Variants in FAM220A observed in about 807,000 individuals in gnomAD.
FAM220A encodes the protein family with sequence similarity 220 member A.
For synonymous variants in FAM220A, 141 were observed against 130.7 expected, an observed-to-expected ratio of 1.08 and a Z score of -0.54; for missense variants, 392 against 321.6, an observed-to-expected ratio of 1.22 and a Z score of -1.68.
In FAM220A at chr7:6,329,744, T is replaced by C. The variant is rs1326840067; in HGVS notation, c.*631A>G. The C allele has an allele frequency of 6.0e-6, 1 of 166,226 alleles. No homozygotes were observed. Among genetic ancestry groups the C allele is most frequent in the Non-Finnish European group, 1.5e-5 (1 of 68,142 alleles). The allele number at this position is 166,226 out of a possible 1,614,324, so 10.3% of individuals were successfully genotyped here. A position where few individuals can be genotyped will look rare whatever the true frequency, so the allele number is the denominator to read the frequency against. ...CTGAGCTACTTTTTTCTCGAGCTCA[T>C]TTTTGTTTAAGGTAACACTGCTAGG... On this transcript the variant is annotated 3_prime_UTR_variant, in exon 2 of 2. Transcript: ENST00000313324.
chr7:6,345,478 A>T (rs564258511), intron 1 of FAM220A, among the ~76,000 whole-genome samples: 1 of 152,134 alleles, frequency 6.6e-6, no homozygotes, highest in Non-Finnish European at 1.5e-5. Flanking sequence ...AGATACTACA[A>T]TAGTCCAGGC....
intron 1 of FAM220A, among the ~76,000 whole-genome samples, chr7:6,340,270 C>T (rs1443807496): frequency 6.6e-6 from 1 of 152,158 alleles, no homozygotes. Flanking sequence ...ATCCTAAGGG[C>T]ATCCCAGCTG....
rs752252905 is a variant in FAM220A, at chr7:6,330,942, C to T, written c.213G>A (p.Gly71=). 4 of 1,614,232 alleles carry T rather than the reference C, an allele frequency of 2.5e-6. No homozygotes were observed. In the Admixed American group the frequency reaches 5.0e-5, roughly 20 times the overall value. Residue 71 remains glycine, a synonymous_variant, in exon 2 of 2, where the codon GGG becomes GGA. Coordinates refer to ENST00000313324, the MANE Select transcript of FAM220A (RefSeq NM_001037163.2). ...LSLEMRKDPS[G]AGLWLHSGGP... ...CGCCACTGTGAAGCCAGAGGCCAGC[C>T]CCGCTCGGATCCTTTCTCATTTCCA...
At chr7:6,340,356 G>C (rs566727741) in intron 1 of FAM220A, among the ~76,000 whole-genome samples, 6 of 152,302 alleles carry the variant, frequency 3.9e-5, no homozygotes, top group Admixed American at 3.9e-4. Flanking sequence ...AAACGCTGCT[G>C]AGAGGGTTGG....
At chr7:6,337,229 G>A (rs1211607807) in intron 1 of FAM220A, among the ~76,000 whole-genome samples, 4 of 152,158 alleles carry the variant, frequency 2.6e-5, no homozygotes, top group Admixed American at 2.6e-4. Flanking sequence ...ATGCCACCAT[G>A]GCCCTGGCTG....
chr7:6,340,883 A>G (rs1418677892), intron 1 of FAM220A, among the ~76,000 whole-genome samples: 1 of 129,288 alleles, frequency 7.7e-6, no homozygotes, highest in South Asian at 2.9e-4. Context: ...TGGGCGACAG[A>G]GTGAGACTCC....
At chr7:6,347,824 T>C (rs1001064540) in intron 1 of FAM220A, among the ~76,000 whole-genome samples, 1 of 150,906 alleles carries the variant, frequency 6.6e-6, no homozygotes, top group Non-Finnish European at 1.5e-5. Context: ...GAGGCCAAGA[T>C]GGGAGGATCT....
rs1455065236 is a variant in FAM220A, at chr7:6,331,079, G to C, written c.76C>G (p.Leu26Val). 2 of 1,613,600 alleles carry C rather than the reference G, an allele frequency of 1.2e-6. No homozygotes were observed. Among genetic ancestry groups the C allele is most frequent in the Non-Finnish European group, 1.7e-6 (2 of 1,180,046 alleles). The change falls in exon 2 of 2, where the codon CTA becomes GTA. Residue 26 changes from leucine to valine, a missense_variant. By Grantham distance (32) the Leu-to-Val change is conservative. Transcript: ENST00000313324. ...ATTCTTTTCTTAAGGCTGCATGATA[G>C]TTTGTCCGAGTCACCTCCTCCGGCC... is the stretch of plus-strand genomic sequence containing the variant. Reference protein sequence around the residue: ...QQAGGGDSDKLSCSLKKRMPE... With the variant: ...QQAGGGDSDKVSCSLKKRMPE...
chr7:6,332,590 C>A (rs903337101), intron 1 of FAM220A, among the ~76,000 whole-genome samples: 5 of 151,822 alleles, frequency 3.3e-5, no homozygotes, highest in Admixed American at 6.6e-5. Context: ...CCCAGATTCT[C>A]AGGAGGCTGA....
intron 1 of FAM220A, among the ~76,000 whole-genome samples, chr7:6,338,974 C>T (rs186390365): frequency 2.0e-5 from 3 of 152,246 alleles, no homozygotes; most frequent in South Asian, 2.1e-4. Flanking sequence ...CAGGTGTGAA[C>T]GCTAGCACAC....
rs763163460 is a variant in FAM220A at position 6,330,370 on chromosome 7, G to A, written c.*5C>T. The A allele has an allele frequency of 5.6e-6, 9 of 1,605,720 alleles. No individual in the cohort carries two copies. In the East Asian group the frequency reaches 8.9e-5, roughly 16 times the overall value. ...TTAATCTATTGGTATTGTTCTGCTT[G>A]TACCTTAACTATGGCATAATGTATT... On this transcript the variant is annotated 3_prime_UTR_variant, in exon 2 of 2. Transcript: ENST00000313324.
Position 6,329,983 on chromosome 7 carries a change from A to AT in FAM220A, c.*391_*392insA. 1 of 214,256 alleles carries AT rather than the reference A, an allele frequency of 4.7e-6. No individual in the cohort carries two copies. Among genetic ancestry groups the AT allele is most frequent in the Non-Finnish European group, 1.0e-5 (1 of 98,632 alleles). 13.3% of individuals were successfully genotyped at this position (214,256 alleles called of 1,614,324 possible). The stretch of plus-strand genomic sequence containing the variant: ...TTTAACGCCAAGTACAGTGGTGTAG[A>AT]CTTTACAAGTATCCACTTCCATTGG... On this transcript the variant is annotated 3_prime_UTR_variant, in exon 2 of 2. Coordinates refer to ENST00000313324, the MANE Select transcript of FAM220A (RefSeq NM_001037163.2).
At chr7:6,334,488 G>C (rs1781707009) in intron 1 of FAM220A, among the ~76,000 whole-genome samples, 1 of 152,048 alleles carries the variant, frequency 6.6e-6, no homozygotes, top group Admixed American at 6.6e-5. Flanking sequence ...AAAAAGAAAA[G>C]ATGGAGTCTC....
At chr7:6,332,815 T>C (rs1281750202) in intron 1 of FAM220A, among the ~76,000 whole-genome samples, 1 of 152,214 alleles carries the variant, frequency 6.6e-6, no homozygotes, top group Non-Finnish European at 1.5e-5. Context: ...TCTAATCTTA[T>C]GGAACTAGGA....
rs1441971045 is a variant in FAM220A at position 6,330,819 on chromosome 7, C to T, written c.336G>A (p.Glu112=). 1.7e-5 allele frequency: 27 copies of T among 1,614,178 alleles called. No individual in the cohort carries two copies. The highest frequency in any genetic ancestry group is 2.3e-5 in the Non-Finnish European group (27 of 1,180,030). The change falls in exon 2 of 2, where the codon GAG becomes GAA. Residue 112 remains glutamate (E), a synonymous_variant. Transcript: ENST00000313324. ...TAVGLFPAPT[E]CFARVSCSGV... is the part of the protein sequence containing the mutation. Reference sequence around the variant, plus strand: ...CACTGCAGGACACCCGAGCAAAACACTCTGTTGGAGCAGGGAACAAACCCA... The same window carrying T: ...CACTGCAGGACACCCGAGCAAAACATTCTGTTGGAGCAGGGAACAAACCCA...
chr7:6,346,686 T>C lies in FAM220A; in HGVS notation c.-82+1887A>G, dbSNP rs181194964. Among the ~76,000 whole-genome samples, 991 of 152,212 alleles carry C rather than the reference T, an allele frequency of 6.5e-3. 5 individuals carry two copies. The highest frequency in any genetic ancestry group is 0.01 in the Non-Finnish European group (686 of 67,984). On this transcript the variant is annotated intron_variant, in intron 1 of 1. Coordinates refer to ENST00000313324, the MANE Select transcript of FAM220A (RefSeq NM_001037163.2). ...AGGAGTGAGCTACTGTGCCCAGCCA[T>C]CTTAACTCAATTTGGATCAACAGCC...
rs143253434 is a variant in FAM220A, at chr7:6,347,883, TTTATTATTATTATTA to T, written c.-82+675_-82+689del. On this transcript the variant is annotated intron_variant, in intron 1 of 1. Coordinates refer to ENST00000313324, the MANE Select transcript of FAM220A (RefSeq NM_001037163.2). ...AGCCTGGGCAACATAACGAGACCCC[TTTATTATTATTATTA>T]TTATTATTATTATTATTATTATTAT... 8.7e-4 allele frequency among the ~76,000 whole-genome samples: 115 copies of T among 131,532 alleles called. 2 individuals are homozygous for T. Among genetic ancestry groups the T allele is most frequent in the East Asian group, 2.7e-3 (12 of 4,520 alleles). 86.3% of individuals were successfully genotyped at this position (131,532 alleles called of 152,430 possible).
intron 1 of FAM220A, among the ~76,000 whole-genome samples, chr7:6,339,768 G>A (rs1416489209): frequency 1.3e-5 from 2 of 152,030 alleles, no homozygotes; most frequent in African/African-American, 4.8e-5. Flanking sequence ...ACTGTGCCCA[G>A]CCGTACCCCT....
chr7:6,333,834 T>A (rs1311337439), intron 1 of FAM220A, among the ~76,000 whole-genome samples: 1 of 146,272 alleles, frequency 6.8e-6, no homozygotes, highest in Non-Finnish European at 1.5e-5. Context: ...CTCGAACTCC[T>A]GGCCTCTTTT....
Sources: allele counts gnomAD v4.1 joint callset (sites outside exome capture counted in the v4.1 genomes callset), GRCh38; gene constraint gnomAD v4.1.1; transcripts MANE v1.5; gene names NCBI Gene and HGNC (gene_info 2026-07-23, HGNC 2026-07-21).